Variants in ZNF253 observed in about 807,000 individuals in gnomAD.
The protein encoded by ZNF253 is DNA-binding protein.
ZNF253 carries 8 observed loss-of-function variants against 11.9 expected under a neutral mutation model. That is an observed-to-expected ratio of 0.67 (90% CI 0.40 to 1.22). ZNF253 has a LOEUF of 1.22. Ranked by LOEUF, ZNF253 falls within the 50% of genes most tolerant of loss-of-function variation. The pLI is 0.01. For missense variants in ZNF253, 485 were observed against 586.9 expected (o/e 0.83, Z 1.79); for synonymous variants, 194 against 194.9 (o/e 1.00, Z 0.04).
At chr19:19,884,431 G>A (rs915665912) in intron 3 of ZNF253, among the ~76,000 whole-genome samples, 11 of 151,406 alleles carry the variant, frequency 7.3e-5, no homozygotes, top group African/African-American at 2.4e-4. Flanking sequence ...GAGTGTAGTC[G>A]TGTGATCTCA....
intron 2 of ZNF253, among the ~76,000 whole-genome samples, chr19:19,879,380 C>G (rs2063168015): frequency 6.6e-6 from 1 of 151,950 alleles, no homozygotes; most frequent in Non-Finnish European, 1.5e-5. Flanking sequence ...GAACCCCCAC[C>G]TTATTTTTTA....
At chr19:19,873,873 A>G (rs1326127290) in intron 1 of ZNF253, among the ~76,000 whole-genome samples, 4 of 151,956 alleles carry the variant, frequency 2.6e-5, no homozygotes, top group Non-Finnish European at 4.4e-5. Flanking sequence ...TGATGTCTAC[A>G]CCTGTAGGGA....
intron 3 of ZNF253, 65 bp from the exon 4 acceptor site, chr19:19,891,409 G>C: frequency 7.5e-7 from 1 of 1,328,536 alleles, no homozygotes; most frequent in South Asian, 1.5e-5. Context: ...TTATAGGTTA[G>C]ATTTGTAATG....
In ZNF253 at chr19:19,868,582, C is replaced by T. The variant is rs1238417394; in HGVS notation, c.3+2583C>T. ...GAACTTTTTTTTATAATATCTTTCTCTCTTCTGCTTTTTCCCCCATAAGCA... is the reference window on the plus strand; with the variant it reads ...GAACTTTTTTTTATAATATCTTTCTTTCTTCTGCTTTTTCCCCCATAAGCA... On this transcript the variant is annotated intron_variant, in intron 1 of 3. Coordinates refer to ENST00000589717, the MANE Select transcript of ZNF253 (RefSeq NM_021047.3). Among the ~76,000 whole-genome samples the T allele has an allele frequency of 2.0e-5, 3 of 152,034 alleles. No homozygotes were observed. The South Asian group carries it at 6.2e-4, about 32-fold the overall frequency.
rs377016763 is a variant in ZNF253, at chr19:19,892,708, T to A, written c.1461T>A (p.Asp487Glu). Residue 487 changes from aspartate to glutamate, a missense_variant, in exon 4 of 4, where the codon GAT becomes GAA. Around this residue, in one of 3 missense-constraint regions of ZNF253, gnomAD observed 232 missense variants for 321.4 expected, o/e 0.72. Transcript: ENST00000589717. The part of the protein sequence containing the change: ...RKPYIVKNVT[D>E]LLNVPPLLIS... ...CCTACATAGTGAAGAATGTGACAGA[T>A]CTTTTAAATGTTCCTCCACTTTTAA... 1.2e-6 allele frequency: 2 copies of A among 1,600,384 alleles called. No individual in the cohort carries two copies. Among genetic ancestry groups the A allele is most frequent in the African/African-American group, 2.7e-5 (2 of 73,916 alleles).
intron 1 of ZNF253, among the ~76,000 whole-genome samples, chr19:19,866,345 G>A (rs2063110877): frequency 6.6e-6 from 1 of 152,160 alleles, no homozygotes; most frequent in Admixed American, 6.5e-5. Context: ...TGGTCCGTGA[G>A]GTTGTTAGAA....
At chr19:19,890,868 G>A (rs1021264369) in intron 3 of ZNF253, among the ~76,000 whole-genome samples, 38 of 121,472 alleles carry the variant, frequency 3.1e-4, no homozygotes, top group South Asian at 2.6e-4. Context: ...TTGAGATGGC[G>A]TCTCACTCTG....
Position 19,892,562 on chromosome 19 carries a change from C to G in ZNF253, c.1315C>G (p.Leu439Val), listed in dbSNP as rs774069764. Residue 439 changes from leucine (L) to valine (V), a missense_variant, in exon 4 of 4, where the codon CTA (leucine) becomes GTA (valine). Coordinates refer to ENST00000589717, the MANE Select transcript of ZNF253 (RefSeq NM_021047.3). ...CAAATCCTTTACTGCATCCTCAACT[C>G]TAACTACACATAAGAGAATTCATAC... is the stretch of plus-strand genomic sequence containing the variant. ...CGKSFTASST[L>V]TTHKRIHTGE... 7 of 1,613,794 alleles carry G rather than the reference C, an allele frequency of 4.3e-6. No individual in the cohort carries two copies. The South Asian group carries it at 6.6e-5, about 15-fold the overall frequency.
rs1240096487 is a variant in ZNF253 at position 19,892,324 on chromosome 19, G to A, written c.1077G>A (p.Lys359=). ...FHLSSHLTTH[K]ILHTGEKPYR... ...TATCCTCACACCTTACTACACATAA[G>A]ATACTTCATACTGGAGAGAAACCCT... The change falls in exon 4 of 4, where the codon AAG becomes AAA. Residue 359 remains lysine (K), a synonymous_variant. Coordinates refer to ENST00000589717, the MANE Select transcript of ZNF253 (RefSeq NM_021047.3). The A allele has an allele frequency of 6.2e-7, 1 of 1,611,692 alleles. No individual in the cohort carries two copies. The highest frequency in any genetic ancestry group is 1.3e-5 in the African/African-American group (1 of 74,928).
chr19:19,880,292 TC>T (rs2063172537), intron 3 of ZNF253, 146 bp downstream of exon 3: 15 of 413,944 alleles, frequency 3.6e-5, no homozygotes, highest in South Asian at 5.6e-5. Flanking sequence ...TTTTTTTTTT[TC>T]TCCCACAAAG....
chr19:19,876,356 A>G (rs576110700), intron 1 of ZNF253, among the ~76,000 whole-genome samples: 1 of 152,300 alleles, frequency 6.6e-6, no homozygotes, highest in East Asian at 1.9e-4. Context: ...CCTTTGCACT[A>G]AAGGGTGGTC....
rs766171578 is a variant in ZNF253 at position 19,878,544 on chromosome 19, A to G, written c.67A>G (p.Thr23Ala). 2.5e-6 allele frequency: 4 copies of G among 1,613,950 alleles called. No individual in the cohort carries two copies. The African/African-American group carries it at 4.0e-5, about 16-fold the overall frequency. ...TCTGGAGGAGTGGCATTGCCTGGAC[A>G]CTGCACAGCGGAATTTATATAGGGA... is the stretch of plus-strand genomic sequence containing the variant. ...FSLEEWHCLD[T>A]AQRNLYRDVM... The change falls in exon 2 of 4, where the codon ACT (threonine) becomes GCT (alanine). Residue 23 changes from threonine (T) to alanine (A), a missense_variant. Coordinates refer to ENST00000589717, the MANE Select transcript of ZNF253 (RefSeq NM_021047.3).
rs537513576 is a variant in ZNF253, at chr19:19,880,077, G to T, written c.157G>T (p.Val53Phe). The T allele has an allele frequency of 1.2e-6, 2 of 1,607,036 alleles. No homozygotes were observed. The highest frequency in any genetic ancestry group is 1.7e-6 in the Non-Finnish European group (2 of 1,177,360). The change falls in exon 3 of 4, where the codon GTT becomes TTT. Residue 53 changes from valine to phenylalanine, a missense_variant. Val to Phe is a conservative substitution (Grantham distance 50). Around this residue, in one of 3 missense-constraint regions of ZNF253, gnomAD observed 218 missense variants for 213.1 expected, o/e 1.02. Transcript: ENST00000589717. ...TATTGTTGTCTCTAAGCCAGACCTG[G>T]TTACCTGTCTGGAGCAAGGAAAAAA... ...LGIVVSKPDLVTCLEQGKKPL... is the reference protein window; with the variant it reads ...LGIVVSKPDLFTCLEQGKKPL...
chr19:19,883,411 A>C (rs2063185998), intron 3 of ZNF253, among the ~76,000 whole-genome samples: 1 of 152,076 alleles, frequency 6.6e-6, no homozygotes, highest in South Asian at 2.1e-4. Context: ...TAAAAGTTTG[A>C]GAGCCGCCTG....
Position 19,865,924 on chromosome 19 carries a change from T to G in ZNF253, c.-73T>G. The G allele has an allele frequency of 6.3e-7, 1 of 1,593,456 alleles. No homozygotes were observed. The highest frequency in any genetic ancestry group is 8.6e-7 in the Non-Finnish European group (1 of 1,161,238). On this transcript the variant is annotated 5_prime_UTR_variant, in exon 1 of 4. Coordinates refer to ENST00000589717, the MANE Select transcript of ZNF253 (RefSeq NM_021047.3). ...TGTGTCCTGTGCTTATAGAGGCCCGTCCTCTGTGGCCGTGTGACCTGCAAG... is the reference window on the plus strand; with the variant it reads ...TGTGTCCTGTGCTTATAGAGGCCCGGCCTCTGTGGCCGTGTGACCTGCAAG...
chr19:19,880,846 C>T (rs996755079), intron 3 of ZNF253, among the ~76,000 whole-genome samples: 2 of 150,218 alleles, frequency 1.3e-5, no homozygotes, highest in African/African-American at 4.9e-5. Context: ...GTCTGAAATG[C>T]GTGAGAGTAT....
At chr19:19,884,417 G>C (rs984831868) in intron 3 of ZNF253, among the ~76,000 whole-genome samples, 1 of 151,928 alleles carries the variant, frequency 6.6e-6, no homozygotes, top group African/African-American at 2.4e-5. Context: ...TGTCACCCAG[G>C]CTGGAGTGTA....
At chr19:19,884,838 G>T (rs1478509552) in intron 3 of ZNF253, among the ~76,000 whole-genome samples, 1 of 151,896 alleles carries the variant, frequency 6.6e-6, no homozygotes, top group Non-Finnish European at 1.5e-5. Context: ...CATTCTAATG[G>T]GTATGAGGTG....
At chr19:19,871,472 A>AT (rs2063133748) in intron 1 of ZNF253, among the ~76,000 whole-genome samples, 1 of 152,214 alleles carries the variant, frequency 6.6e-6, no homozygotes, top group African/African-American at 2.4e-5. Context: ...CTGCTTTAAA[A>AT]TGTAAATAGC....
Sources: gnomAD v4.1 joint callset for allele counts (sites outside exome capture counted in the v4.1 genomes callset) on GRCh38, gnomAD v4.1.1 for gene constraint, gnomAD v4.1.1 regional missense constraint, MANE v1.5 for transcripts, NCBI Gene and HGNC (gene_info 2026-07-23, HGNC 2026-07-21) for gene names.